The following RELN variants were observed in gnomAD, a reference collection of about 807,000 sequenced individuals.
The protein encoded by RELN is reelin.
RELN carries 108 observed loss-of-function variants against 427.6 expected under a neutral mutation model. The observed-to-expected ratio is 0.25, with a 90% CI of 0.22 to 0.30. The LOEUF is 0.30. Ranked by LOEUF, RELN falls within the 10% of genes least tolerant of loss-of-function variation. The pLI, the probability that RELN is intolerant of heterozygous loss-of-function variation, is 1.00. For missense variants in RELN, 3,715 were observed against 4,302.8 expected (o/e 0.86, Z 3.82); for synonymous variants, 1,524 against 1,513.4 (o/e 1.01, Z -0.16).
rs1192809226 is a variant in RELN, at chr7:103,650,138, G to A, written c.2002+136C>T. The A allele has an allele frequency of 5.6e-6, 4 of 717,738 alleles. No homozygotes were observed. In the African/African-American group the frequency reaches 7.0e-5, roughly 13 times the overall value. 44.5% of individuals were successfully genotyped at this position (717,738 alleles called of 1,614,324 possible). On this transcript the variant is annotated intron_variant, in intron 16 of 64. Transcript: ENST00000428762. ...CCCTAGGCTTCTAACAGAATGCAAA[G>A]GAGAAATGGAAGAAAGGGTGTTTAA...
chr7:103,524,755 T>C (rs1368846748), intron 46 of RELN, among the ~76,000 whole-genome samples: 1 of 152,188 alleles, frequency 6.6e-6, no homozygotes, highest in Non-Finnish European at 1.5e-5. Context: ...AGAAACAGAC[T>C]AGAACTAAAA....
intron 40 of RELN, among the ~76,000 whole-genome samples, chr7:103,552,496 G>A (rs899377507): frequency 4.8e-5 from 7 of 144,806 alleles, no homozygotes; most frequent in Non-Finnish European, 1.0e-4. Flanking sequence ...GTTTCTTCCT[G>A]AATTCTTTTT....
At chr7:103,509,091 T>C (rs1193170373) in intron 51 of RELN, among the ~76,000 whole-genome samples, 1 of 152,194 alleles carries the variant, frequency 6.6e-6, no homozygotes, top group East Asian at 1.9e-4. Flanking sequence ...AAAGTAATTA[T>C]AGATTCAATG....
chr7:103,486,267 C>T lies in RELN; in HGVS notation c.9913G>A (p.Asp3305Asn), dbSNP rs775766023. ...TGACAGCCATTAAAGTACAGTGAGT[C>T]TCCATGGGCGTAGGGGGCCAGCTGC... The part of the protein sequence containing the change: ...CGQLAPYAHG[D>N]SLYFNGCQIR... The change falls in exon 61 of 65, where the codon GAC becomes AAC. Residue 3305 changes from aspartate (D) to asparagine (N), a missense_variant. This residue lies in a region of RELN where 195 missense variants were observed against 281.3 expected (regional missense o/e 0.69). Transcript: ENST00000428762. The T allele has an allele frequency of 3.7e-6, 6 of 1,614,146 alleles. No individual in the cohort carries two copies. In the East Asian group the frequency reaches 8.9e-5, roughly 24 times the overall value.
At chr7:103,720,346 C>A (rs1483428069) in intron 8 of RELN, among the ~76,000 whole-genome samples, 1 of 151,886 alleles carries the variant, frequency 6.6e-6, no homozygotes, top group Non-Finnish European at 1.5e-5. Context: ...AAAATGTTTA[C>A]AAGAGCAATA....
chr7:103,620,529 A>G lies in RELN; in HGVS notation c.2703-8726T>C, dbSNP rs889744758. Among the ~76,000 whole-genome samples, 2 of 149,910 alleles carry G rather than the reference A, an allele frequency of 1.3e-5. No homozygotes were observed. Among genetic ancestry groups the G allele is most frequent in the Non-Finnish European group, 1.5e-5 (1 of 67,794 alleles). ...CGTCTGTCGCCCAGGCTGGAGTAAC[A>G]GTGGCACGATCTTGGCTCACTGCAG... On this transcript the variant is annotated intron_variant, in intron 20 of 64. Coordinates refer to ENST00000428762, the MANE Select transcript of RELN (RefSeq NM_005045.4). This position sits in a 1 kb window ranked among gnomAD's most constrained non-coding sequence, Gnocchi z 4.1.
chr7:103,800,712 A>T (rs1417768946), intron 3 of RELN, among the ~76,000 whole-genome samples: 2 of 152,216 alleles, frequency 1.3e-5, no homozygotes, highest in African/African-American at 2.4e-5. Flanking sequence ...ATGGCAACAA[A>T]AGCCAAAATT....
At chr7:103,711,652 C>T (rs1298648998) in intron 8 of RELN, among the ~76,000 whole-genome samples, 1 of 152,036 alleles carries the variant, frequency 6.6e-6, no homozygotes, top group Non-Finnish European at 1.5e-5. Flanking sequence ...TATATTTACA[C>T]ACACAAAAAA....
rs182106088 is a variant in RELN at position 103,899,565 on chromosome 7, C to T, written c.337+17510G>A. ...TCTATAAAATACTAGCAAACCGAATCCAGCAGCACATCAAAAAGCTTATCC... is the reference window on the plus strand; with the variant it reads ...TCTATAAAATACTAGCAAACCGAATTCAGCAGCACATCAAAAAGCTTATCC... On this transcript the variant is annotated intron_variant, in intron 2 of 64. Transcript: ENST00000428762. Among the ~76,000 whole-genome samples the T allele has an allele frequency of 2.0e-3, 311 of 152,292 alleles. 2 individuals carry two copies. The highest frequency in any genetic ancestry group is 7.2e-3 in the African/African-American group (301 of 41,576).
intron 2 of RELN, among the ~76,000 whole-genome samples, chr7:103,873,135 T>TAAAGAA (rs890050011): frequency 6.6e-5 from 10 of 150,742 alleles, no homozygotes; most frequent in Middle Eastern, 3.4e-3. Flanking sequence ...AAGGCAGAAA[T>TAAAGAA]AAAGATGTTC....
At chr7:103,630,838 G>A in intron 19 of RELN, among the ~76,000 whole-genome samples, 1 of 135,936 alleles carries the variant, frequency 7.4e-6, no homozygotes, top group South Asian at 2.4e-4. Flanking sequence ...TGAAAGGGCT[G>A]AGTTATTTTT....
intron 6 of RELN, among the ~76,000 whole-genome samples, chr7:103,729,167 T>C (rs1231307075): frequency 6.6e-6 from 1 of 152,168 alleles, no homozygotes; most frequent in African/African-American, 2.4e-5. Context: ...TCAAACCACA[T>C]GAGAGCTATA....
chr7:103,874,390 T>G (rs1349261136), intron 2 of RELN, among the ~76,000 whole-genome samples: 1 of 142,132 alleles, frequency 7.0e-6, no homozygotes, highest in Non-Finnish European at 1.5e-5. Flanking sequence ...TAAACGGTAT[T>G]CAATTAGGAA....
intron 8 of RELN, among the ~76,000 whole-genome samples, chr7:103,711,087 C>T (rs1436744829): frequency 6.6e-6 from 1 of 151,994 alleles, no homozygotes; most frequent in Non-Finnish European, 1.5e-5. Context: ...AAAGAGTACA[C>T]AGCCAAAAAG....
At chr7:103,583,325 TA>T (rs1258514419) in intron 28 of RELN, among the ~76,000 whole-genome samples, 1 of 152,098 alleles carries the variant, frequency 6.6e-6, no homozygotes, top group Non-Finnish European at 1.5e-5. Context: ...CAATTTCCCC[TA>T]AAAAAATCCC....
chr7:103,951,956 A>T (rs577994146), intron 1 of RELN, among the ~76,000 whole-genome samples: 1 of 152,376 alleles, frequency 6.6e-6, no homozygotes, highest in South Asian at 2.1e-4. Flanking sequence ...TACAGGTGTG[A>T]GCCACTGTGC....
At chr7:103,520,855 T>C (rs898670610) in intron 48 of RELN, among the ~76,000 whole-genome samples, 1 of 151,780 alleles carries the variant, frequency 6.6e-6, no homozygotes, top group Non-Finnish European at 1.5e-5. Context: ...TTCTTGCTAC[T>C]CGAGCTAAAA....
rs115829662 is a variant in RELN at position 103,752,808 on chromosome 7, A to G, written c.577+374T>C. The stretch of plus-strand genomic sequence containing the variant: ...TAAATCCCAAATCTTAAATGACTTC[A>G]GTTCTTCCACATTCATGGCTTCTTG... On this transcript the variant is annotated intron_variant, in intron 5 of 64. Coordinates refer to ENST00000428762, the MANE Select transcript of RELN (RefSeq NM_005045.4). 9.5e-3 allele frequency among the ~76,000 whole-genome samples: 1,444 copies of G among 152,294 alleles called. 31 individuals are homozygous for G. The highest frequency in any genetic ancestry group is 0.033 in the African/African-American group (1,369 of 41,552).
At chr7:103,533,086 C>T (rs149862346) in intron 46 of RELN, among the ~76,000 whole-genome samples, 46 of 152,290 alleles carry the variant, frequency 3.0e-4, no homozygotes, top group African/African-American at 7.7e-4. Context: ...AATGGTTTGA[C>T]GTCAATTTGT....
Sources: allele counts gnomAD v4.1 joint callset (sites outside exome capture counted in the v4.1 genomes callset), GRCh38; gene constraint gnomAD v4.1.1; regional missense constraint gnomAD v4.1.1; non-coding constraint Gnocchi (gnomAD v3.1); transcripts MANE v1.5; gene names NCBI Gene and HGNC (gene_info 2026-07-23, HGNC 2026-07-21).